Variants in EPB41L3 observed in about 807,000 individuals in gnomAD.
EPB41L3 encodes band 4.1-like protein 3.
EPB41L3 carries 57 observed loss-of-function variants against 127.1 expected under a neutral mutation model. That is an observed-to-expected ratio of 0.45 (90% CI 0.36 to 0.56). EPB41L3 has a LOEUF of 0.56. Ranked by LOEUF, EPB41L3 falls within the 20% of genes least tolerant of loss-of-function variation. EPB41L3 has a pLI of 0.00. For synonymous variants in EPB41L3, 572 were observed against 549.5 expected (o/e 1.04, Z -0.57); for missense variants, 1,273 against 1,372.2 (o/e 0.93, Z 1.14).
At chr18:5,399,721 C>G (rs2074177930) in intron 16 of EPB41L3, 1 of 179,898 alleles carries the variant, frequency 5.6e-6, no homozygotes. Context: ...TGATGTTGCT[C>G]TATAAGTTAC....
At chr18:5,628,615 C>G (rs1413780555) in intron 1 of EPB41L3, among the ~76,000 whole-genome samples, 1 of 152,242 alleles carries the variant, frequency 6.6e-6, no homozygotes, top group African/African-American at 2.4e-5. Context: ...TCCAGCACCT[C>G]AGGCTTTTCT....
intron 3 of EPB41L3, among the ~76,000 whole-genome samples, chr18:5,456,992 A>C (rs1336372392): frequency 6.6e-6 from 1 of 152,216 alleles, no homozygotes; most frequent in East Asian, 1.9e-4. Flanking sequence ...CCTGCAGGGA[A>C]TGGTAGTCAC....
chr18:5,477,670 G>A (rs2087514839), intron 3 of EPB41L3, among the ~76,000 whole-genome samples: 1 of 152,132 alleles, frequency 6.6e-6, no homozygotes, highest in Non-Finnish European at 1.5e-5. Flanking sequence ...CTGACAAAAG[G>A]CATTCAACCG....
intron 3 of EPB41L3, among the ~76,000 whole-genome samples, chr18:5,579,736 T>C (rs995698508): frequency 2.2e-4 from 33 of 152,200 alleles, no homozygotes; most frequent in African/African-American, 7.5e-4. Flanking sequence ...AAGAAAGATA[T>C]TACCAATCTG....
At chr18:5,513,377 C>T (rs555634013) in intron 1 of EPB41L3, among the ~76,000 whole-genome samples, 2 of 152,152 alleles carry the variant, frequency 1.3e-5, no homozygotes, top group East Asian at 1.9e-4. Flanking sequence ...TTTGAAGTAC[C>T]TAGAAAAAAG....
At position 5,469,380 on chromosome 18, in the gene EPB41L3, G is replaced by A. The variant is rs535978196; in HGVS notation, c.381+8861C>T. 2.2e-3 allele frequency among the ~76,000 whole-genome samples: 340 copies of A among 152,292 alleles called. 2 individuals are homozygous for A. Among genetic ancestry groups the A allele is most frequent in the African/African-American group, 7.6e-3 (317 of 41,578 alleles). On this transcript the variant is annotated intron_variant, in intron 3 of 22. Coordinates refer to ENST00000341928, the MANE Select transcript of EPB41L3 (RefSeq NM_012307.5). ...TGTTTCCAGTGCATCCGATCCAGCC[G>A]CAGGCTTGCCCAGAGCTGGTGCCTG... is the stretch of plus-strand genomic sequence containing the variant.
chr18:5,572,106 C>A lies in EPB41L3; in HGVS notation c.-306+40234G>T, dbSNP rs906642094. Among the ~76,000 whole-genome samples, 6 of 152,328 alleles carry A rather than the reference C, an allele frequency of 3.9e-5. No homozygotes were observed. The South Asian group carries it at 1.2e-3, about 32-fold the overall frequency. ...GTAGGCTTGGGAGTCTCCCACTCTA[C>A]ATGTGAAAAGGATGCTATCTAAGTT... On this transcript the variant is annotated intron_variant, in intron 3 of 21. Transcript: ENST00000545076.
intron 3 of EPB41L3, among the ~76,000 whole-genome samples, chr18:5,580,688 A>C (rs2094385731): frequency 6.6e-6 from 1 of 152,162 alleles, no homozygotes; most frequent in South Asian, 2.1e-4. Flanking sequence ...GCCCACACTT[A>C]TGCATATGTA....
In EPB41L3 at chr18:5,525,286, G is replaced by A. The variant is rs748255999; in HGVS notation, c.-12+18627C>T. Among the ~76,000 whole-genome samples the A allele has an allele frequency of 6.6e-5, 10 of 152,144 alleles. No individual in the cohort carries two copies. The East Asian group carries it at 1.3e-3, about 21-fold the overall frequency. On this transcript the variant is annotated intron_variant, in intron 1 of 22. Transcript: ENST00000341928. ...AGCAACCAGGAGTTATCCAAGAGGC[G>A]TGCCATGGCCCTAGGAAAGCGCTCA...
intron 3 of EPB41L3, among the ~76,000 whole-genome samples, chr18:5,550,797 C>T (rs575018081): frequency 6.6e-6 from 1 of 152,304 alleles, no homozygotes; most frequent in South Asian, 2.1e-4. Flanking sequence ...GGTAGCAACT[C>T]AAGCACTGAC....
chr18:5,478,083 C>T (rs1386402274), intron 3 of EPB41L3, among the ~76,000 whole-genome samples, 158 bp downstream of exon 3: 2 of 152,064 alleles, frequency 1.3e-5, no homozygotes, highest in Non-Finnish European at 2.9e-5. Context: ...TTAATCTGAT[C>T]CCCTGTTACA....
chr18:5,595,179 A>G (rs1269018423), intron 3 of EPB41L3, among the ~76,000 whole-genome samples: 2 of 152,320 alleles, frequency 1.3e-5, no homozygotes, highest in Admixed American at 6.5e-5. Context: ...TTAAGATCCA[A>G]TACCCTCCAT....
intron 1 of EPB41L3, among the ~76,000 whole-genome samples, chr18:5,529,274 T>C (rs918772407): frequency 2.0e-5 from 3 of 152,246 alleles, no homozygotes; most frequent in Non-Finnish European, 2.9e-5. Flanking sequence ...CCTCTCAATA[T>C]ACTTCTTTAA....
At chr18:5,517,746 T>A (rs1299682713) in intron 1 of EPB41L3, among the ~76,000 whole-genome samples, 1 of 152,018 alleles carries the variant, frequency 6.6e-6, no homozygotes, top group Non-Finnish European at 1.5e-5. Flanking sequence ...CCAGGAAGCA[T>A]CTTATCCACA....
chr18:5,412,389 C>G (rs765019315), intron 13 of EPB41L3, among the ~76,000 whole-genome samples: 2 of 151,914 alleles, frequency 1.3e-5, no homozygotes, highest in African/African-American at 2.4e-5. Context: ...CCATGCCTGG[C>G]TAATTTTTGT....
intron 3 of EPB41L3, among the ~76,000 whole-genome samples, chr18:5,469,486 G>A (rs563379382): frequency 6.6e-6 from 1 of 152,146 alleles, no homozygotes; most frequent in Non-Finnish European, 1.5e-5. Flanking sequence ...TGTAGTGGCT[G>A]GACCCCGCAC....
chr18:5,550,973 A>G (rs547914527), intron 3 of EPB41L3, among the ~76,000 whole-genome samples: 5 of 152,168 alleles, frequency 3.3e-5, no homozygotes, highest in Admixed American at 3.3e-4. Flanking sequence ...AGATCCATCA[A>G]CTCTAATCTG....
chr18:5,515,860 A>C (rs1568473189), intron 1 of EPB41L3, among the ~76,000 whole-genome samples: 1 of 152,226 alleles, frequency 6.6e-6, no homozygotes, highest in African/African-American at 2.4e-5. Context: ...GTTCACAGGA[A>C]GCAAATGCAC....
chr18:5,401,013 C>A, intron 16 of EPB41L3: 7 of 1,534,600 alleles, frequency 4.6e-6, no homozygotes, highest in Non-Finnish European at 6.1e-6. Flanking sequence ...AAAAATATAA[C>A]TTTTTCAGAA....
Sources: gnomAD v4.1 joint callset for allele counts (sites outside exome capture counted in the v4.1 genomes callset) on GRCh38, gnomAD v4.1.1 for gene constraint, MANE v1.5 for transcripts, NCBI Gene and HGNC (gene_info 2026-07-23, HGNC 2026-07-21) for gene names.